Variants in LIMCH1 observed in about 807,000 individuals in gnomAD.
LIMCH1 encodes LIM and calponin homology domains-containing protein 1.
LIMCH1 carries 113 observed loss-of-function variants against 176.5 expected under a neutral mutation model. The observed-to-expected ratio is 0.64, with a 90% CI of 0.55 to 0.75. The LOEUF is 0.75. Among genes scored for constraint, LIMCH1 ranks in the 30% least tolerant of loss-of-function variants. LIMCH1 has a pLI of 0.00. For missense variants in LIMCH1, 1,674 were observed against 1,814.9 expected, an observed-to-expected ratio of 0.92 and a Z score of 1.41; for synonymous variants, 619 against 645.9, an observed-to-expected ratio of 0.96 and a Z score of 0.63.
intron 15 of LIMCH1, 105 bp from the exon 16 acceptor site, chr4:41,646,018 C>G (rs1369877901): frequency 8.7e-7 from 1 of 1,150,514 alleles, no homozygotes; most frequent in Non-Finnish European, 1.2e-6. Flanking sequence ...GTGCCTGGGC[C>G]CATAGTCAGT....
At chr4:41,624,659 A>C (rs1353420115) in intron 7 of LIMCH1, among the ~76,000 whole-genome samples, 3 of 152,044 alleles carry the variant, frequency 2.0e-5, no homozygotes, top group African/African-American at 7.2e-5. Flanking sequence ...AGGGGGACTA[A>C]CAGGCTTTTC....
rs567956508 is a variant in LIMCH1, at chr4:41,374,304, TCCTCTCA to T, written c.96+13372_96+13378del. On this transcript the variant is annotated intron_variant, in intron 1 of 26. Coordinates refer to the LIMCH1 transcript ENST00000313860. Reference sequence around the variant, plus strand: ...TTTTAAAAGAAACTCCAAAAATAAGTCCTCTCACCTTGACAGTTTTGCCACCTGGGAA... The same window carrying T: ...TTTTAAAAGAAACTCCAAAAATAAGTCCTTGACAGTTTTGCCACCTGGGAA... Among the ~76,000 whole-genome samples, 46 of 152,152 alleles carry T rather than the reference TCCTCTCA, an allele frequency of 3.0e-4. No homozygotes were observed. The East Asian group carries it at 8.3e-3, about 28-fold the overall frequency.
intron 8 of LIMCH1, among the ~76,000 whole-genome samples, chr4:41,628,028 T>C (rs2093078623): frequency 6.6e-6 from 1 of 152,206 alleles, no homozygotes. Context: ...TTCCTGGATA[T>C]AGAACAGGGA....
At chr4:41,437,675 A>G (rs1253397351) in intron 1 of LIMCH1, among the ~76,000 whole-genome samples, 1 of 133,364 alleles carries the variant, frequency 7.5e-6, no homozygotes, top group Non-Finnish European at 1.5e-5. Flanking sequence ...TCATTTACAG[A>G]GTGGCCAGGA....
intron 19 of LIMCH1, among the ~76,000 whole-genome samples, 200 bp downstream of exon 19, chr4:41,661,710 A>G (rs2094627598): frequency 6.6e-6 from 1 of 152,184 alleles, no homozygotes; most frequent in Non-Finnish European, 1.5e-5. Flanking sequence ...ATAGGAGCCC[A>G]TGCTCTTTCT....
At chr4:41,456,865 G>A (rs1367013373) in intron 1 of LIMCH1, among the ~76,000 whole-genome samples, 4 of 152,120 alleles carry the variant, frequency 2.6e-5, no homozygotes, top group Non-Finnish European at 4.4e-5. Context: ...AGACTTTAGC[G>A]AGACTGTCAA....
At chr4:41,560,792 A>T (rs1162613171) in intron 1 of LIMCH1, among the ~76,000 whole-genome samples, 1 of 152,128 alleles carries the variant, frequency 6.6e-6, no homozygotes, top group Non-Finnish European at 1.5e-5. Flanking sequence ...ACCAAGGTAG[A>T]TGGGTCACTT....
chr4:41,518,487 G>A (rs555490420), intron 2 of LIMCH1, among the ~76,000 whole-genome samples: 3 of 152,286 alleles, frequency 2.0e-5, no homozygotes, highest in Admixed American at 2.0e-4. Context: ...CTGGATATTA[G>A]GGGTGCAAAG....
At chr4:41,561,028 C>A (rs960375719) in intron 1 of LIMCH1, among the ~76,000 whole-genome samples, 1 of 152,054 alleles carries the variant, frequency 6.6e-6, no homozygotes, top group Non-Finnish European at 1.5e-5. Flanking sequence ...AAAAAACAAA[C>A]AAACCAAACA....
chr4:41,541,477 T>G (rs1470819054), intron 1 of LIMCH1, among the ~76,000 whole-genome samples: 1 of 152,224 alleles, frequency 6.6e-6, no homozygotes, highest in Admixed American at 6.5e-5. Context: ...CATTCTATTT[T>G]AATTTGGTGA....
At chr4:41,630,401 T>A (rs1409516970) in intron 9 of LIMCH1, among the ~76,000 whole-genome samples, 1 of 152,242 alleles carries the variant, frequency 6.6e-6, no homozygotes, top group African/African-American at 2.4e-5. Flanking sequence ...AAACATTCTC[T>A]TTTTAACCCA....
chr4:41,572,248 AATT>A lies in LIMCH1; in HGVS notation c.-240-26663_-240-26661del, dbSNP rs530794096. Among the ~76,000 whole-genome samples the A allele has an allele frequency of 2.9e-3, 437 of 152,324 alleles. 2 individuals are homozygous for A. The highest frequency in any genetic ancestry group is 0.01 in the African/African-American group (424 of 41,564). On this transcript the variant is annotated intron_variant, in intron 1 of 31. Transcript: ENST00000503057. ...AATGATCTTGCAAGTGCCCCACTCA[AATT>A]ATTATTATAAGTTGTATAGAGATAC... is the stretch of plus-strand genomic sequence containing the variant.
chr4:41,573,276 T>A (rs574523776), intron 1 of LIMCH1, among the ~76,000 whole-genome samples: 9 of 152,322 alleles, frequency 5.9e-5, no homozygotes, highest in African/African-American at 1.2e-4. Flanking sequence ...AAATCTTTTT[T>A]AAAAAATCAT....
intron 1 of LIMCH1, among the ~76,000 whole-genome samples, chr4:41,563,976 A>C (rs746487011): frequency 8.5e-5 from 13 of 152,144 alleles, no homozygotes; most frequent in Non-Finnish European, 1.9e-4. Flanking sequence ...GGATCCGTGG[A>C]ACTGTGTTCC....
chr4:41,376,024 A>G (rs1047539287), intron 1 of LIMCH1, among the ~76,000 whole-genome samples: 1 of 152,178 alleles, frequency 6.6e-6, no homozygotes, highest in African/African-American at 2.4e-5. Context: ...GTTTTTTGAG[A>G]TTAGAACATT....
At chr4:41,644,713 C>T (rs2093988388) in intron 15 of LIMCH1, 87 bp downstream of exon 15, 2 of 1,496,116 alleles carry the variant, frequency 1.3e-6, no homozygotes, top group Admixed American at 4.1e-5. Context: ...ACTTGAAAGC[C>T]ATGCGGGGAA....
At chr4:41,434,531 T>C (rs1365935722) in intron 1 of LIMCH1, among the ~76,000 whole-genome samples, 1 of 152,192 alleles carries the variant, frequency 6.6e-6, no homozygotes, top group Admixed American at 6.5e-5. Flanking sequence ...GGGGTATTTT[T>C]TTCCTGAGAC....
chr4:41,651,434 T>A (rs1196941957), intron 18 of LIMCH1, among the ~76,000 whole-genome samples: 1 of 152,180 alleles, frequency 6.6e-6, no homozygotes, highest in Non-Finnish European at 1.5e-5. Flanking sequence ...GTAGTAAGGG[T>A]TAGGACTTCA....
At chr4:41,610,766 G>T (rs1164164997) in intron 4 of LIMCH1, among the ~76,000 whole-genome samples, 2 of 152,184 alleles carry the variant, frequency 1.3e-5, no homozygotes, top group African/African-American at 4.8e-5. Context: ...CAGCCAGTCG[G>T]TATTCGGAGA....
Sources: allele counts gnomAD v4.1 joint callset (sites outside exome capture counted in the v4.1 genomes callset), GRCh38; gene constraint gnomAD v4.1.1; transcripts MANE v1.5; gene names NCBI Gene and HGNC (gene_info 2026-07-23, HGNC 2026-07-21).